The following APBB2 variants were observed in gnomAD, a reference collection of about 807,000 sequenced individuals.
The protein encoded by APBB2 is Fe65-like 1.
APBB2 carries 38 observed loss-of-function variants against 82.5 expected under a neutral mutation model. That is an observed-to-expected ratio of 0.46 (90% CI 0.36 to 0.60). The LOEUF (loss-of-function observed/expected upper bound fraction) is 0.60, where lower values mean the gene tolerates loss of function less well. Ranked by LOEUF, APBB2 falls within the 20% of genes least tolerant of loss-of-function variation. The probability of loss-of-function intolerance (pLI) is 0.00; values close to 1 mark genes in which losing one functional copy is unlikely to be tolerated. For synonymous variants in APBB2, 341 were observed against 368.2 expected (o/e 0.93, Z 0.85); for missense variants, 772 against 972.3 (o/e 0.79, Z 2.74).
Position 41,108,601 on chromosome 4 carries a change from G to A in APBB2, c.-260-7851C>T, listed in dbSNP as rs116697279. ...CTGGTGAGAAACGCTGTGCAGGTGC[G>A]GACATTTCCAACAAGTCAGAAAGAT... is the stretch of plus-strand genomic sequence containing the variant. On this transcript the variant is annotated intron_variant, in intron 2 of 17. Transcript: ENST00000508593. Among the ~76,000 whole-genome samples, 1,142 of 152,218 alleles carry A rather than the reference G, an allele frequency of 7.5e-3. 6 individuals carry two copies. The highest frequency in any genetic ancestry group is 0.017 in the Middle Eastern group (5 of 294).
intron 2 of APBB2, among the ~76,000 whole-genome samples, chr4:41,106,742 C>T (rs1023914410): frequency 6.6e-6 from 1 of 152,172 alleles, no homozygotes; most frequent in Non-Finnish European, 1.5e-5. Context: ...TTCCAAAGTG[C>T]TGGGATTACA....
intron 1 of APBB2, among the ~76,000 whole-genome samples, chr4:41,196,400 A>G: frequency 6.6e-6 from 1 of 152,236 alleles, no homozygotes; most frequent in African/African-American, 2.4e-5. Flanking sequence ...GGATGAATAC[A>G]TAGGTAACCT....
At chr4:41,102,485 T>G (rs1745806459) in intron 2 of APBB2, among the ~76,000 whole-genome samples, 1 of 152,250 alleles carries the variant, frequency 6.6e-6, no homozygotes, top group African/African-American at 2.4e-5. Context: ...AGAGAACAAT[T>G]TGAGTGTAAC....
chr4:41,004,662 C>T (rs907199273), intron 6 of APBB2, among the ~76,000 whole-genome samples: 3 of 151,318 alleles, frequency 2.0e-5, no homozygotes, highest in Non-Finnish European at 2.9e-5. Flanking sequence ...TGGTGAAACC[C>T]CATCTCCACT....
At chr4:40,835,001 G>A (rs1032948785) in intron 12 of APBB2, among the ~76,000 whole-genome samples, 2 of 152,148 alleles carry the variant, frequency 1.3e-5, no homozygotes, top group Admixed American at 6.5e-5. Flanking sequence ...ATTAAAGTCC[G>A]GGCGCGGTGG....
intron 12 of APBB2, among the ~76,000 whole-genome samples, chr4:40,861,982 GA>G (rs1349693132): frequency 6.6e-5 from 10 of 151,950 alleles, no homozygotes; most frequent in Admixed American, 6.6e-5. Flanking sequence ...TACTGTGAAA[GA>G]AAAAAAATTC....
chr4:40,930,450 C>T (rs6812470), intron 10 of APBB2, among the ~76,000 whole-genome samples: 16,825 of 56,790 alleles, frequency 0.3, 1,095 homozygotes, highest in East Asian at 0.42. Context: ...TGTGTGTGTG[C>T]GCGCGCGCGC....
intron 3 of APBB2, among the ~76,000 whole-genome samples, chr4:41,074,614 T>TATTA (rs1560682600): frequency 4.3e-5 from 5 of 116,822 alleles, no homozygotes; most frequent in African/African-American, 1.4e-4. Flanking sequence ...TATTATTTTT[T>TATTA]TTTTTTTTTT....
At chr4:40,842,715 T>G (rs1446987143) in intron 12 of APBB2, among the ~76,000 whole-genome samples, 1 of 152,192 alleles carries the variant, frequency 6.6e-6, no homozygotes, top group African/African-American at 2.4e-5. Context: ...TGTCTTCATT[T>G]TCCAGTTCCA....
chr4:40,982,346 G>GGAAA (rs1799050014), intron 6 of APBB2, among the ~76,000 whole-genome samples: 1 of 11,220 alleles, frequency 8.9e-5, no homozygotes, highest in African/African-American at 3.6e-4. Flanking sequence ...AAGGAAGGAA[G>GGAAA]GAAGGAAGGA....
chr4:40,877,052 C>T (rs1306160833), intron 12 of APBB2, among the ~76,000 whole-genome samples: 4 of 152,252 alleles, frequency 2.6e-5, no homozygotes, highest in East Asian at 3.8e-4. Flanking sequence ...ACACTGCTGA[C>T]CTGTGTACTA....
intron 1 of APBB2, among the ~76,000 whole-genome samples, chr4:41,174,753 A>T (rs1769304463): frequency 6.6e-6 from 1 of 152,212 alleles, no homozygotes; most frequent in African/African-American, 2.4e-5. Context: ...ACGTGACCAC[A>T]TATGATAGTT....
chr4:40,982,955 A>G (rs1799498926), intron 6 of APBB2, among the ~76,000 whole-genome samples: 1 of 152,182 alleles, frequency 6.6e-6, no homozygotes, highest in Non-Finnish European at 1.5e-5. Context: ...GCCCTTTGTC[A>G]TGCCCTTCTA....
intron 1 of APBB2, among the ~76,000 whole-genome samples, chr4:41,155,780 C>T (rs1763303222): frequency 6.6e-6 from 1 of 152,196 alleles, no homozygotes; most frequent in Non-Finnish European, 1.5e-5. Flanking sequence ...GAGCTATTCA[C>T]CCAATCAACA....
At position 41,037,601 on chromosome 4, in the gene APBB2, C is replaced by T. The variant is rs1051460108; in HGVS notation, c.-50-4297G>A. On this transcript the variant is annotated intron_variant, in intron 4 of 17. Transcript: ENST00000508593. ...ACATTTATCATCCCTGGTCTCCACC[C>T]GAAAAATTCAAGGTCTAGTACCACA... Among the ~76,000 whole-genome samples, 4 of 152,102 alleles carry T rather than the reference C, an allele frequency of 2.6e-5. No individual in the cohort carries two copies. The South Asian group carries it at 6.2e-4, about 24-fold the overall frequency.
chr4:40,910,121 ATTT>A (rs34289899), intron 10 of APBB2, among the ~76,000 whole-genome samples: 302 of 142,772 alleles, frequency 2.1e-3, no homozygotes, highest in African/African-American at 4.5e-3. Context: ...TGCCTGGCTA[ATTT>A]TTTTTTTTTT....
chr4:40,844,516 C>A (rs760050634), intron 12 of APBB2, among the ~76,000 whole-genome samples: 1 of 152,230 alleles, frequency 6.6e-6, no homozygotes, highest in Non-Finnish European at 1.5e-5. Flanking sequence ...CTGTCTCCCA[C>A]GGAAGGACAG....
intron 1 of APBB2, among the ~76,000 whole-genome samples, chr4:41,162,874 T>G (rs1765541216): frequency 6.6e-6 from 1 of 152,116 alleles, no homozygotes; most frequent in South Asian, 2.1e-4. Context: ...ATAATAAATT[T>G]TATTTAATTG....
intron 3 of APBB2, among the ~76,000 whole-genome samples, chr4:41,090,200 A>G (rs1337843531): frequency 6.6e-6 from 1 of 152,226 alleles, no homozygotes; most frequent in Admixed American, 6.5e-5. Context: ...CTCTGACAGA[A>G]TCTTTCTTCT....
Sources: gnomAD v4.1 joint callset for allele counts (sites outside exome capture counted in the v4.1 genomes callset) on GRCh38, gnomAD v4.1.1 for gene constraint, MANE v1.5 for transcripts, NCBI Gene and HGNC (gene_info 2026-07-23, HGNC 2026-07-21) for gene names.